PIGK: variants seen among roughly 807,000 people sequenced by gnomAD.
PIGK encodes the protein GPI-anchor transamidase.
Under a neutral mutation model 50.6 loss-of-function variants are expected in PIGK, and 42 were observed. The observed-to-expected ratio is 0.83, with a 90% CI of 0.65 to 1.07. PIGK has a LOEUF of 1.07. Among genes scored for constraint, PIGK ranks in the 50% least tolerant of loss-of-function variants. The probability of loss-of-function intolerance (pLI) is 0.00; values close to 1 mark genes in which losing one functional copy is unlikely to be tolerated. For synonymous variants in PIGK, 151 were observed against 156.0 expected, an observed-to-expected ratio of 0.97 and a Z score of 0.24; for missense variants, 448 against 488.7, an observed-to-expected ratio of 0.92 and a Z score of 0.78.
intron 9 of PIGK, among the ~76,000 whole-genome samples, chr1:77,141,816 A>T (rs1373196609): frequency 6.6e-6 from 1 of 152,144 alleles, no homozygotes; most frequent in Non-Finnish European, 1.5e-5. Flanking sequence ...GGCATTATTC[A>T]AAAAATTTTT....
At position 77,090,248 on chromosome 1, in the gene PIGK, G is replaced by C. The variant is rs1398227519; in HGVS notation, c.*2126C>G. The stretch of plus-strand genomic sequence containing the variant: ...TTTTATGATACTGTTTAAAGTGTAG[G>C]CCATTTAATTGCACTGACAATATTT... On this transcript the variant is annotated 3_prime_UTR_variant, in exon 11 of 11. Coordinates refer to ENST00000370812, the MANE Select transcript of PIGK (RefSeq NM_005482.3). The C allele has an allele frequency of 6.6e-6, 1 of 152,162 alleles. No individual in the cohort carries two copies. Among genetic ancestry groups the C allele is most frequent in the African/African-American group, 2.4e-5 (1 of 41,448 alleles). The allele number at this position is 152,162 out of a possible 1,614,324, so 9.4% of individuals were successfully genotyped here.
At chr1:77,170,891 A>G (rs1178233236) in intron 3 of PIGK, among the ~76,000 whole-genome samples, 2 of 152,172 alleles carry the variant, frequency 1.3e-5, no homozygotes, top group Non-Finnish European at 2.9e-5. Flanking sequence ...AAAGTTCAAA[A>G]CTGAAACATT....
chr1:77,184,846 C>T (rs947339904), intron 3 of PIGK, among the ~76,000 whole-genome samples: 3 of 152,166 alleles, frequency 2.0e-5, no homozygotes, highest in Non-Finnish European at 4.4e-5. Flanking sequence ...CTGCCTCTAC[C>T]TATAAAAATA....
chr1:77,169,541 AT>A (rs1056403134), intron 3 of PIGK, 146 bp from the exon 4 acceptor site: 34 of 570,698 alleles, frequency 6.0e-5, no homozygotes, highest in African/African-American at 2.9e-4. Context: ...CAATTTAATT[AT>A]TTTTTTCATA....
intron 9 of PIGK, among the ~76,000 whole-genome samples, chr1:77,142,459 T>A (rs530081325): frequency 6.6e-6 from 1 of 152,286 alleles, no homozygotes; most frequent in South Asian, 2.1e-4. Flanking sequence ...CTATGACAGA[T>A]AAAGTATCTG....
chr1:77,164,632 G>A (rs1655197433), intron 5 of PIGK, among the ~76,000 whole-genome samples: 2 of 151,838 alleles, frequency 1.3e-5, no homozygotes, highest in Admixed American at 1.3e-4. Flanking sequence ...ATGCCTTTGT[G>A]GGAGAAAAAA....
chr1:77,105,677 C>A (rs528106660), intron 10 of PIGK, among the ~76,000 whole-genome samples: 46 of 152,232 alleles, frequency 3.0e-4, no homozygotes, highest in Non-Finnish European at 6.2e-4. Flanking sequence ...GTTCAGTAAA[C>A]TACAATACAC....
At chr1:77,124,673 T>C (rs1292668920) in intron 9 of PIGK, among the ~76,000 whole-genome samples, 2 of 149,572 alleles carry the variant, frequency 1.3e-5, no homozygotes, top group East Asian at 3.9e-4. Context: ...ACAAACTGTA[T>C]AGACATCATC....
chr1:77,181,239 G>C (rs1655607459), intron 3 of PIGK, among the ~76,000 whole-genome samples: 1 of 152,044 alleles, frequency 6.6e-6, no homozygotes, highest in South Asian at 2.1e-4. Flanking sequence ...AGGGCTGCTA[G>C]GCCATTCTTT....
chr1:77,169,822 A>C (rs1655320880), intron 3 of PIGK, among the ~76,000 whole-genome samples: 1 of 152,224 alleles, frequency 6.6e-6, no homozygotes, highest in Non-Finnish European at 1.5e-5. Context: ...TTACATTCTC[A>C]AGACTTACAG....
intron 3 of PIGK, among the ~76,000 whole-genome samples, chr1:77,193,584 C>T (rs1359034789): frequency 6.6e-6 from 1 of 152,154 alleles, no homozygotes; most frequent in Non-Finnish European, 1.5e-5. Context: ...CCATAAGCAA[C>T]ATTGCCTGCC....
chr1:77,210,340 A>C (rs1656387968), intron 2 of PIGK, 96 bp downstream of exon 2: 1 of 635,024 alleles, frequency 1.6e-6, no homozygotes, highest in African/African-American at 1.9e-5. Flanking sequence ...ATAAAATGTA[A>C]AAAAATAAAT....
intron 3 of PIGK, among the ~76,000 whole-genome samples, chr1:77,175,124 T>G: frequency 6.6e-6 from 1 of 152,210 alleles, no homozygotes; most frequent in South Asian, 2.1e-4. Flanking sequence ...AGACATTTGT[T>G]CTTAATCAGG....
intron 10 of PIGK, among the ~76,000 whole-genome samples, chr1:77,097,663 A>G (rs1005055189): frequency 6.6e-6 from 1 of 152,202 alleles, no homozygotes; most frequent in Non-Finnish European, 1.5e-5. Flanking sequence ...TGGAATTTCT[A>G]GCCAATCCAG....
chr1:77,100,689 G>T (rs530673769), intron 10 of PIGK, among the ~76,000 whole-genome samples: 16 of 152,218 alleles, frequency 1.1e-4, no homozygotes, highest in Non-Finnish European at 1.9e-4. Context: ...GATCTAATCA[G>T]ATGGGCCCTT....
intron 9 of PIGK, among the ~76,000 whole-genome samples, chr1:77,149,022 T>A (rs1654834804): frequency 6.6e-6 from 1 of 152,084 alleles, no homozygotes; most frequent in Admixed American, 6.5e-5. Context: ...GCCATATCAG[T>A]TTTAAATAAC....
intron 8 of PIGK, 150 bp from the exon 9 acceptor site, chr1:77,154,771 T>C: frequency 1.7e-6 from 1 of 599,264 alleles, no homozygotes; most frequent in Non-Finnish European, 2.9e-6. Flanking sequence ...AGATTAAAGT[T>C]TCATTCCTAT....
chr1:77,207,956 T>C (rs1656326929), intron 2 of PIGK, among the ~76,000 whole-genome samples: 1 of 152,166 alleles, frequency 6.6e-6, no homozygotes. Context: ...ACACAGTAGC[T>C]TACACCTATA....
At chr1:77,214,997 G>T (rs1656519802) in intron 1 of PIGK, among the ~76,000 whole-genome samples, 1 of 151,920 alleles carries the variant, frequency 6.6e-6, no homozygotes, top group African/African-American at 2.4e-5. Context: ...AAAATGAAGA[G>T]AACACAAAAA....
Sources: allele counts gnomAD v4.1 joint callset (sites outside exome capture counted in the v4.1 genomes callset), GRCh38; gene constraint gnomAD v4.1.1; transcripts MANE v1.5; gene names NCBI Gene and HGNC (gene_info 2026-07-23, HGNC 2026-07-21).